Variants in MESD observed in about 807,000 individuals in gnomAD.
The protein encoded by MESD is mesoderm development LRP chaperone, also known as LRP chaperone MESD.
A neutral mutation model predicts 12.9 loss-of-function variants in MESD; 7 were observed. The ratio of observed to expected loss-of-function variants is 0.54; its 90% CI spans 0.31 to 1.02. The LOEUF is 1.02. Among genes scored for constraint, MESD ranks in the 50% least tolerant of loss-of-function variants. The pLI, the probability that MESD is intolerant of heterozygous loss-of-function variation, is 0.05. For missense variants in MESD, 342 were observed against 296.7 expected, an observed-to-expected ratio of 1.15 and a Z score of -1.12; for synonymous variants, 126 against 115.6, an observed-to-expected ratio of 1.09 and a Z score of -0.58.
downstream of MESD, among the ~76,000 whole-genome samples, chr15:80,973,157 G>A (rs187952736): frequency 1.4e-3 from 209 of 152,316 alleles, no homozygotes; most frequent in African/African-American, 4.5e-3. Context: ...GACTCAAAGG[G>A]ATCTTGGCCA....
At chr15:80,955,796 A>G (rs1216172218) in intron 3 of MESD, among the ~76,000 whole-genome samples, 1 of 151,662 alleles carries the variant, frequency 6.6e-6, no homozygotes, top group Non-Finnish European at 1.5e-5. Context: ...AATTTTTTGC[A>G]TTTTTAGTAG....
chr15:80,988,031 T>C (rs1443300439), intron 1 of MESD, among the ~76,000 whole-genome samples: 1 of 152,236 alleles, frequency 6.6e-6, no homozygotes, highest in African/African-American at 2.4e-5. Context: ...CATTTCTCCC[T>C]TCTACTCTGC....
chr15:80,947,298 A>AAAG (rs1431191030), downstream of MESD: 1 of 509,126 alleles, frequency 2.0e-6, no homozygotes, highest in African/African-American at 1.9e-5. Context: ...CCAGCCACTG[A>AAAG]AAGAAAATTG....
chr15:80,988,066 C>T (rs1007855997), intron 1 of MESD, among the ~76,000 whole-genome samples: 1 of 152,242 alleles, frequency 6.6e-6, no homozygotes, highest in Admixed American at 6.5e-5. Flanking sequence ...GCTTAATCCA[C>T]GTCTTCCTCA....
chr15:80,955,606 TGTGTTTGTGC>T (rs1901960665), intron 3 of MESD, among the ~76,000 whole-genome samples: 1 of 148,300 alleles, frequency 6.7e-6, no homozygotes. Flanking sequence ...TTGAGAAGTG[TGTGTTTGTGC>T]GTGTGTGTGT....
intron 3 of MESD, among the ~76,000 whole-genome samples, chr15:80,958,355 G>C (rs1203672507): frequency 6.6e-6 from 1 of 151,952 alleles, no homozygotes; most frequent in Non-Finnish European, 1.5e-5. Flanking sequence ...TTTAGAGATG[G>C]GGTCTCACTC....
Position 80,979,180 on chromosome 15 carries a change from C to G in MESD, c.*39G>C, listed in dbSNP as rs755402595. Reference sequence around the variant, plus strand: ...CAGGAGCTGGGCAAAGAGCTCTCCACGTCCACCTGTCCCCCCACAGCGCGT... The same window carrying G: ...CAGGAGCTGGGCAAAGAGCTCTCCAGGTCCACCTGTCCCCCCACAGCGCGT... On this transcript the variant is annotated 3_prime_UTR_variant, in exon 3 of 3. Coordinates refer to ENST00000261758, the MANE Select transcript of MESD (RefSeq NM_015154.3). 5.7e-6 allele frequency: 9 copies of G among 1,588,882 alleles called. No individual in the cohort carries two copies. The highest frequency in any genetic ancestry group is 4.5e-5 in the East Asian group (2 of 44,766).
chr15:80,988,746 T>C (rs894731028), intron 1 of MESD, among the ~76,000 whole-genome samples: 12 of 152,216 alleles, frequency 7.9e-5, no homozygotes, highest in African/African-American at 2.9e-4. Context: ...AACCTCCTCA[T>C]GTTGCAGATA....
At chr15:80,965,506 A>T (rs1902160105) in intron 3 of MESD, among the ~76,000 whole-genome samples, 1 of 152,246 alleles carries the variant, frequency 6.6e-6, no homozygotes, top group Non-Finnish European at 1.5e-5. Flanking sequence ...ATGCACACAT[A>T]TGTTTATTGT....
chr15:80,949,168 C>T (rs1268316044), intron 4 of MESD: 5 of 558,400 alleles, frequency 9.0e-6, no homozygotes, highest in Non-Finnish European at 1.3e-5. Context: ...CACTTTCCTG[C>T]AGCCTCTTGG....
intron 3 of MESD, among the ~76,000 whole-genome samples, chr15:80,958,116 A>C (rs1271331485): frequency 6.6e-6 from 1 of 152,130 alleles, no homozygotes; most frequent in Non-Finnish European, 1.5e-5. Flanking sequence ...AATTTTGCTG[A>C]AGATTTAGGA....
rs544628508 is a variant in MESD, at chr15:80,980,400, T to C, written c.447-923A>G. 9.4e-4 allele frequency among the ~76,000 whole-genome samples: 143 copies of C among 152,308 alleles called. 3 individuals are homozygous for C. The highest frequency in any genetic ancestry group is 1.6e-3 in the Non-Finnish European group (109 of 68,030). ...ATTGTACCTCAGGACCATACTCAAG[T>C]GTGAAAACTGAGCCTCTTCATACTA... On this transcript the variant is annotated intron_variant, in intron 2 of 2. Transcript: ENST00000261758.
At chr15:80,973,688 G>C (rs1902340460), downstream of MESD, among the ~76,000 whole-genome samples, 1 of 152,106 alleles carries the variant, frequency 6.6e-6, no homozygotes. Context: ...CCGCCTCACT[G>C]CCTCACCCTA....
chr15:80,968,911 G>A (rs960028403), intron 3 of MESD, among the ~76,000 whole-genome samples: 4 of 151,726 alleles, frequency 2.6e-5, no homozygotes, highest in African/African-American at 9.7e-5. Flanking sequence ...AAATGAGGTC[G>A]GGCACAGTGG....
At chr15:80,954,530 T>C (rs1205151989) in intron 3 of MESD, among the ~76,000 whole-genome samples, 3 of 152,028 alleles carry the variant, frequency 2.0e-5, no homozygotes, top group African/African-American at 7.2e-5. Flanking sequence ...GAGGATCAAG[T>C]CCACAGGCAC....
intron 3 of MESD, among the ~76,000 whole-genome samples, chr15:80,962,337 A>T (rs771199125): frequency 1.1e-4 from 16 of 152,226 alleles, no homozygotes; most frequent in Non-Finnish European, 2.2e-4. Context: ...CCAGATTTAT[A>T]AAGCAAGTTC....
intron 1 of MESD, among the ~76,000 whole-genome samples, chr15:80,988,723 T>G (rs1041871182): frequency 3.3e-5 from 5 of 152,192 alleles, no homozygotes; most frequent in Non-Finnish European, 7.3e-5. Context: ...GAAGGAATCT[T>G]AGGACCCATC....
chr15:80,984,727 G>A, intron 1 of MESD, among the ~76,000 whole-genome samples: 1 of 152,074 alleles, frequency 6.6e-6, no homozygotes, highest in African/African-American at 2.4e-5. Context: ...CTTTACATGG[G>A]TAAATTGCCT....
chr15:80,949,133 G>A lies in MESD; in HGVS notation c.*627-235C>T, dbSNP rs536177655. ...AGTGTCTACCTGGAGCCCCTGGGGC[G>A]GTGCTGGCCAATGCTGGAAACATTC... On this transcript the variant is annotated intron_variant, in intron 4 of 4. Coordinates refer to the MESD transcript ENST00000561312. The A allele has an allele frequency of 5.4e-5, 35 of 652,696 alleles. No individual in the cohort carries two copies. In the East Asian group the frequency reaches 6.2e-4, roughly 11 times the overall value. The allele number at this position is 652,696 out of a possible 1,614,324, so 40.4% of individuals were successfully genotyped here.
Sources: allele counts gnomAD v4.1 joint callset (sites outside exome capture counted in the v4.1 genomes callset), GRCh38; gene constraint gnomAD v4.1.1; transcripts MANE v1.5; gene names NCBI Gene and HGNC (gene_info 2026-07-23, HGNC 2026-07-21).